Variants in ASTN2 observed in about 807,000 individuals in gnomAD.
ASTN2 encodes the protein astrotactin-2.
Under a neutral mutation model 139.8 loss-of-function variants are expected in ASTN2, and 54 were observed. The ratio of observed to expected loss-of-function variants is 0.39; its 90% CI spans 0.31 to 0.48. The LOEUF (loss-of-function observed/expected upper bound fraction) is 0.48, where lower values mean the gene tolerates loss of function less well. Ranked by LOEUF, ASTN2 falls within the 20% of genes least tolerant of loss-of-function variation. The pLI is 0.95. For synonymous variants in ASTN2, 756 were observed against 719.5 expected, an observed-to-expected ratio of 1.05 and a Z score of -0.81; for missense variants, 1,565 against 1,725.1, an observed-to-expected ratio of 0.91 and a Z score of 1.64.
At chr9:117,009,480 G>A (rs1171614123) in intron 6 of ASTN2, among the ~76,000 whole-genome samples, 1 of 152,060 alleles carries the variant, frequency 6.6e-6, no homozygotes, top group Non-Finnish European at 1.5e-5. Context: ...GTGAGTGTAT[G>A]CATGTATAGC....
At chr9:117,291,603 G>T in intron 1 of ASTN2, 90 bp from the exon 2 acceptor site, 1 of 1,239,392 alleles carries the variant, frequency 8.1e-7, no homozygotes, top group Non-Finnish European at 1.1e-6. Flanking sequence ...CAGGAGCTCA[G>T]AAGGCATCCA....
At chr9:117,019,998 G>A (rs1477218792) in intron 6 of ASTN2, among the ~76,000 whole-genome samples, 1 of 128,012 alleles carries the variant, frequency 7.8e-6, no homozygotes, top group African/African-American at 3.1e-5. Flanking sequence ...GCCATTCAGG[G>A]TTTCTGTGTG....
At chr9:117,184,692 G>A (rs1408543941) in intron 3 of ASTN2, among the ~76,000 whole-genome samples, 1 of 152,040 alleles carries the variant, frequency 6.6e-6, no homozygotes, top group Non-Finnish European at 1.5e-5. Flanking sequence ...TACACTGTTG[G>A]TCATGCCTGC....
At chr9:117,036,608 G>A (rs1471429582) in intron 6 of ASTN2, among the ~76,000 whole-genome samples, 1 of 152,216 alleles carries the variant, frequency 6.6e-6, no homozygotes, top group Non-Finnish European at 1.5e-5. Flanking sequence ...CATCCCCCCA[G>A]GGCCAGATAC....
intron 10 of ASTN2, among the ~76,000 whole-genome samples, chr9:116,965,095 C>A (rs958905747): frequency 4.6e-5 from 7 of 152,318 alleles, no homozygotes; most frequent in African/African-American, 1.4e-4. Flanking sequence ...TGAAGGTGGG[C>A]AAATGAGTTC....
chr9:116,785,089 T>C (rs1415973295), intron 13 of ASTN2, among the ~76,000 whole-genome samples: 3 of 152,110 alleles, frequency 2.0e-5, no homozygotes, highest in Non-Finnish European at 4.4e-5. Context: ...TCATCATCTG[T>C]TAAAAAATAA....
chr9:116,826,638 C>T (rs906684576), intron 11 of ASTN2, among the ~76,000 whole-genome samples: 1 of 152,152 alleles, frequency 6.6e-6, no homozygotes, highest in Non-Finnish European at 1.5e-5. Context: ...ACACTAGCTT[C>T]CCAGGGGCCC....
At chr9:116,510,930 C>A (rs1249217516) in intron 19 of ASTN2, among the ~76,000 whole-genome samples, 2 of 152,170 alleles carry the variant, frequency 1.3e-5, no homozygotes, top group African/African-American at 2.4e-5. Context: ...TCTAGATATA[C>A]AATCATGTCA....
At chr9:116,531,714 C>A (rs200245659) in intron 19 of ASTN2, among the ~76,000 whole-genome samples, 1 of 152,196 alleles carries the variant, frequency 6.6e-6, no homozygotes, top group Non-Finnish European at 1.5e-5. Context: ...TTTATGGCTA[C>A]ATAGTATTCC....
At chr9:116,755,501 C>T (rs1337129949) in intron 13 of ASTN2, among the ~76,000 whole-genome samples, 1 of 152,216 alleles carries the variant, frequency 6.6e-6, no homozygotes, top group African/African-American at 2.4e-5. Context: ...AGAGAAAAGG[C>T]AGCCATCTGC....
chr9:117,126,793 C>T (rs140970254), intron 4 of ASTN2, among the ~76,000 whole-genome samples: 104 of 152,334 alleles, frequency 6.8e-4, no homozygotes, highest in African/African-American at 2.2e-3. Context: ...GATTGACTGT[C>T]TGCTTCTTTC....
chr9:116,534,217 T>C (rs1338540711), intron 19 of ASTN2, among the ~76,000 whole-genome samples: 1 of 152,328 alleles, frequency 6.6e-6, no homozygotes, highest in East Asian at 1.9e-4. Context: ...ATCCCCTTTA[T>C]CATTTTTTAT....
intron 2 of ASTN2, among the ~76,000 whole-genome samples, chr9:117,229,236 T>TA (rs1443916770): frequency 6.6e-6 from 1 of 152,136 alleles, no homozygotes; most frequent in Non-Finnish European, 1.5e-5. Flanking sequence ...ATCTCAGTTG[T>TA]AACACTGATA....
chr9:116,440,646 C>T lies in ASTN2; in HGVS notation c.3745G>A (p.Asp1249Asn), dbSNP rs369648543. 6.2e-6 allele frequency: 10 copies of T among 1,613,878 alleles called. No individual in the cohort carries two copies. The East Asian group carries it at 6.7e-5, about 11-fold the overall frequency. Reference sequence around the variant, plus strand: ...TCATCCTCACTTCTCCAGACGAAGTCGCCAAACTTTTCATAGTGAGAGTTG... The same window carrying T: ...TCATCCTCACTTCTCCAGACGAAGTTGCCAAACTTTTCATAGTGAGAGTTG... ...HYNSHYEKFG[D>N]FVWRSEDELG... Residue 1249 changes from aspartate to asparagine, a missense_variant, in exon 22 of 23, where the codon GAC becomes AAC. By Grantham distance (23) the Asp-to-Asn change is conservative (BLOSUM62 1). Transcript: ENST00000313400.
At chr9:116,452,177 C>G (rs1233548095) in intron 20 of ASTN2, among the ~76,000 whole-genome samples, 2 of 152,168 alleles carry the variant, frequency 1.3e-5, no homozygotes. Context: ...TATTCTACTC[C>G]AACTTGCACT....
At chr9:116,462,462 T>C (rs1230697333) in intron 20 of ASTN2, among the ~76,000 whole-genome samples, 2 of 152,188 alleles carry the variant, frequency 1.3e-5, no homozygotes, top group African/African-American at 4.8e-5. Flanking sequence ...ATCCATGCCA[T>C]GCAATAATAA....
intron 21 of ASTN2, among the ~76,000 whole-genome samples, chr9:116,441,684 A>G (rs913223299): frequency 6.6e-6 from 1 of 152,152 alleles, no homozygotes; most frequent in Non-Finnish European, 1.5e-5. Flanking sequence ...GTGAATTCCT[A>G]AAAGGGGAGA....
intron 5 of ASTN2, among the ~76,000 whole-genome samples, chr9:117,073,289 G>T (rs1270130261): frequency 6.6e-6 from 1 of 152,046 alleles, no homozygotes; most frequent in East Asian, 1.9e-4. Flanking sequence ...TCAGCTTCCT[G>T]CCTCTAGGGG....
chr9:117,027,750 T>A (rs1310285276), intron 6 of ASTN2, among the ~76,000 whole-genome samples: 1 of 152,194 alleles, frequency 6.6e-6, no homozygotes, highest in Non-Finnish European at 1.5e-5. Flanking sequence ...CAGATTATCA[T>A]CTACCTTCCA....
Sources: allele counts gnomAD v4.1 joint callset (sites outside exome capture counted in the v4.1 genomes callset), GRCh38; gene constraint gnomAD v4.1.1; transcripts MANE v1.5; gene names NCBI Gene and HGNC (gene_info 2026-07-23, HGNC 2026-07-21).